The following NTRK2 variants were observed in gnomAD, a reference collection of about 807,000 sequenced individuals.
NTRK2 encodes neurotrophic receptor tyrosine kinase 2, also known as BDNF/NT-3 growth factors receptor.
In NTRK2, 13 loss-of-function variants were observed where a neutral mutation model predicts 94.5. The ratio of observed to expected loss-of-function variants is 0.14; its 90% CI spans 0.09 to 0.22. The LOEUF is 0.22. NTRK2 is among the 10% of genes least tolerant of loss of function. NTRK2 has a pLI of 1.00. For synonymous variants in NTRK2, 372 were observed against 407.4 expected, an observed-to-expected ratio of 0.91 and a Z score of 1.05; for missense variants, 639 against 1,071.2, an observed-to-expected ratio of 0.60 and a Z score of 5.63.
At chr9:84,774,876 A>G (rs779449381) in intron 12 of NTRK2, among the ~76,000 whole-genome samples, 25 of 152,222 alleles carry the variant, frequency 1.6e-4, no homozygotes, top group Non-Finnish European at 2.6e-4. Flanking sequence ...TAGAGAGAGG[A>G]TGAAGAGAGA....
intron 6 of NTRK2, among the ~76,000 whole-genome samples, chr9:84,712,197 G>A (rs573392152): frequency 1.3e-5 from 2 of 152,028 alleles, no homozygotes; most frequent in Non-Finnish European, 2.9e-5. Context: ...CTTAACAGAC[G>A]TCTGCTTTGT....
At chr9:84,976,356 C>G (rs1039577825) in intron 17 of NTRK2, among the ~76,000 whole-genome samples, 1 of 152,094 alleles carries the variant, frequency 6.6e-6, no homozygotes, top group Admixed American at 6.5e-5. Flanking sequence ...GATTAGGGCT[C>G]TACTTACGGG....
chr9:84,818,590 G>C (rs116125144), intron 12 of NTRK2, among the ~76,000 whole-genome samples: 146 of 152,356 alleles, frequency 9.6e-4, no homozygotes, highest in African/African-American at 3.4e-3. Flanking sequence ...GTTGCATCAA[G>C]TCTGTAATTC....
Position 84,762,272 on chromosome 9 carries a change from G to T in NTRK2, c.1396+10187G>T, listed in dbSNP as rs188750802. ...TCCAGCTTGAGAGCAAAGAGAGGCAGCCCTGCCTTAGCCATCTCTTCCTGG... is the reference window on the plus strand; with the variant it reads ...TCCAGCTTGAGAGCAAAGAGAGGCATCCCTGCCTTAGCCATCTCTTCCTGG... On this transcript the variant is annotated intron_variant, in intron 12 of 18. Transcript: ENST00000277120. 7.2e-5 allele frequency among the ~76,000 whole-genome samples: 11 copies of T among 152,338 alleles called. No individual in the cohort carries two copies. In the East Asian group the frequency reaches 2.1e-3, roughly 29 times the overall value.
chr9:84,892,855 G>A (rs925897089), intron 14 of NTRK2, among the ~76,000 whole-genome samples: 1 of 151,732 alleles, frequency 6.6e-6, no homozygotes, highest in East Asian at 1.9e-4. Flanking sequence ...TGGGGAGGCG[G>A]AAGTTTCAGT....
chr9:84,833,918 G>A (rs1298742706), intron 12 of NTRK2, among the ~76,000 whole-genome samples: 1 of 152,202 alleles, frequency 6.6e-6, no homozygotes, highest in Non-Finnish European at 1.5e-5. Context: ...CCACTGTGCA[G>A]CAAGGGTGAG....
At chr9:84,911,074 G>A (rs1455563754) in intron 14 of NTRK2, among the ~76,000 whole-genome samples, 1 of 152,132 alleles carries the variant, frequency 6.6e-6, no homozygotes, top group Non-Finnish European at 1.5e-5. Flanking sequence ...TCTTTAATCA[G>A]TATTGTAGTT....
At chr9:84,740,794 G>A (rs1051020526) in intron 9 of NTRK2, among the ~76,000 whole-genome samples, 5 of 152,174 alleles carry the variant, frequency 3.3e-5, no homozygotes, top group Non-Finnish European at 5.9e-5. Context: ...TTTGAACACT[G>A]GGGCCACTTT....
At chr9:85,019,878 G>A (rs1832627818) in intron 17 of NTRK2, among the ~76,000 whole-genome samples, 1 of 152,150 alleles carries the variant, frequency 6.6e-6, no homozygotes, top group African/African-American at 2.4e-5. Context: ...TTAATTAGAA[G>A]ATTGAGTCAT....
At chr9:84,868,646 T>C (rs1012869554) in intron 14 of NTRK2, among the ~76,000 whole-genome samples, 10 of 152,186 alleles carry the variant, frequency 6.6e-5, no homozygotes, top group Non-Finnish European at 1.5e-4. Flanking sequence ...TAAGGTATTA[T>C]TAATCTTAAT....
chr9:85,004,053 G>GAAAGAAAAGAAA (rs1316613240), intron 17 of NTRK2, among the ~76,000 whole-genome samples: 9 of 64,802 alleles, frequency 1.4e-4, no homozygotes, highest in South Asian at 5.6e-4. Context: ...AAGGGAGAAA[G>GAAAGAAAAGAAA]AGAAAGAAAG....
At chr9:84,718,973 G>T (rs1162154402) in intron 6 of NTRK2, among the ~76,000 whole-genome samples, 2 of 152,264 alleles carry the variant, frequency 1.3e-5, no homozygotes, top group East Asian at 3.9e-4. Context: ...ATTTTGCTCA[G>T]ATTCCTTTGG....
At chr9:85,000,035 C>T (rs944494920) in intron 17 of NTRK2, among the ~76,000 whole-genome samples, 8 of 152,288 alleles carry the variant, frequency 5.3e-5, no homozygotes, top group Admixed American at 5.2e-4. Flanking sequence ...AAGAGAGGAA[C>T]CCGAGACACA....
chr9:84,927,924 A>G (rs1027847417), intron 14 of NTRK2, among the ~76,000 whole-genome samples: 2 of 152,212 alleles, frequency 1.3e-5, no homozygotes, highest in Non-Finnish European at 2.9e-5. Flanking sequence ...AAGTAAGTCA[A>G]TTAACTGAGG....
chr9:84,907,501 C>G (rs2077106500), intron 14 of NTRK2, among the ~76,000 whole-genome samples: 1 of 152,104 alleles, frequency 6.6e-6, no homozygotes, highest in Admixed American at 6.5e-5. Context: ...ACTTCTTTTT[C>G]AAAATGTGGA....
intron 12 of NTRK2, among the ~76,000 whole-genome samples, chr9:84,853,584 G>A (rs760012243): frequency 6.6e-6 from 1 of 152,100 alleles, no homozygotes. Flanking sequence ...ATATTGTTAC[G>A]CTTTTTCAAA....
In NTRK2 at chr9:84,724,270, C is replaced by T. The variant is rs1236700381; in HGVS notation, c.767C>T (p.Ser256Leu). The T allele has an allele frequency of 6.2e-7, 1 of 1,614,044 alleles. No homozygotes were observed. The highest frequency in any genetic ancestry group is 1.3e-5 in the African/African-American group (1 of 75,036). ...TQGSLRITNI[S>L]SDDSGKQISC... ...GGCTCCTTAAGGATAACTAACATTT[C>T]ATCCGATGACAGTGGGAAGCAGATC... Residue 256 changes from serine to leucine, a missense_variant, in exon 8 of 19, where the codon TCA becomes TTA. Physicochemically the swap from Ser to Leu is moderately radical, Grantham distance 145. Coordinates refer to ENST00000277120, the MANE Select transcript of NTRK2 (RefSeq NM_006180.6).
intron 14 of NTRK2, chr9:84,871,962 C>G (rs1173939470): frequency 6.3e-6 from 10 of 1,582,754 alleles, no homozygotes; most frequent in Non-Finnish European, 8.6e-6. Flanking sequence ...CTTCCATAAC[C>G]TAGCCAAGCA....
chr9:84,869,189 A>G (rs1306947446), intron 14 of NTRK2, among the ~76,000 whole-genome samples: 2 of 152,154 alleles, frequency 1.3e-5, no homozygotes, highest in East Asian at 3.9e-4. Context: ...GAGTCTGTGG[A>G]GATTTTTTGC....
Sources: gnomAD v4.1 joint callset for allele counts (sites outside exome capture counted in the v4.1 genomes callset) on GRCh38, gnomAD v4.1.1 for gene constraint, MANE v1.5 for transcripts, NCBI Gene and HGNC (gene_info 2026-07-23, HGNC 2026-07-21) for gene names.